Variants in FEZ1 observed in about 807,000 individuals in gnomAD.
FEZ1 encodes fasciculation and elongation protein zeta-1.
In FEZ1, 20 loss-of-function variants were observed where a neutral mutation model predicts 49.3. That is an observed-to-expected ratio of 0.41 (90% CI 0.29 to 0.59). The LOEUF is 0.59. Among genes scored for constraint, FEZ1 ranks in the 20% least tolerant of loss-of-function variants. FEZ1 has a pLI of 0.36. For missense variants in FEZ1, 413 were observed against 476.0 expected (o/e 0.87, Z 1.23); for synonymous variants, 170 against 180.9 (o/e 0.94, Z 0.48).
intron 4 of FEZ1, 138 bp from the exon 5 acceptor site, chr11:125,460,804 G>A: frequency 1.5e-6 from 1 of 649,630 alleles, no homozygotes; most frequent in Non-Finnish European, 2.5e-6. Context: ...CATAAATACT[G>A]AATAATAAAA....
intron 1 of FEZ1, among the ~76,000 whole-genome samples, chr11:125,493,471 AAG>A (rs540335216): frequency 0.031 from 2,790 of 90,350 alleles, 122 homozygotes; most frequent in Non-Finnish European, 0.034. Flanking sequence ...AGAAGGAAAG[AAG>A]GAAAGAAGGA....
chr11:125,455,133 G>A lies in FEZ1; in HGVS notation c.939+702C>T, dbSNP rs546435877. 1.4e-4 allele frequency among the ~76,000 whole-genome samples: 22 copies of A among 151,918 alleles called. No individual in the cohort carries two copies. The East Asian group carries it at 1.9e-3, about 13-fold the overall frequency. ...GGGCCAGGCACGGTGGCTCATGCCC[G>A]TAATCCCAACACTTTGGGAGGCCAA... On this transcript the variant is annotated intron_variant, in intron 6 of 9. Transcript: ENST00000278919.
intron 3 of FEZ1, 124 bp from the exon 4 acceptor site, chr11:125,463,694 G>T: frequency 1.5e-6 from 1 of 670,994 alleles, no homozygotes; most frequent in Non-Finnish European, 2.7e-6. Context: ...CTAAACAGTG[G>T]AGCTGAAGAG....
At chr11:125,484,645 G>A (rs377096624) in intron 2 of FEZ1, among the ~76,000 whole-genome samples, 2 of 148,350 alleles carry the variant, frequency 1.3e-5, no homozygotes. Flanking sequence ...TCCATCCTGG[G>A]CAACAAGAGT....
At chr11:125,490,540 C>T (rs796880693) in intron 1 of FEZ1, among the ~76,000 whole-genome samples, 43 of 152,170 alleles carry the variant, frequency 2.8e-4, no homozygotes, top group African/African-American at 1.0e-3. Context: ...GATATTACTA[C>T]CCTTATCAAT....
In FEZ1 at chr11:125,445,321, G is replaced by T. The variant is rs1956889241; in HGVS notation, c.*774C>A. Among the ~76,000 whole-genome samples, 1 of 152,196 alleles carries T rather than the reference G, an allele frequency of 6.6e-6. No homozygotes were observed. The highest frequency in any genetic ancestry group is 2.4e-5 in the African/African-American group (1 of 41,452). The stretch of plus-strand genomic sequence containing the variant: ...GCTCAGCAGAGCTGACTTCCCGCAG[G>T]CCCTGAGCCTCCAGGTCCCCGTGGA... On this transcript the variant is annotated 3_prime_UTR_variant, in exon 10 of 10. Coordinates refer to ENST00000278919, the MANE Select transcript of FEZ1 (RefSeq NM_005103.5). This position sits in a 1 kb window ranked among gnomAD's most constrained non-coding sequence, Gnocchi z 4.4.
chr11:125,456,029 C>T lies in FEZ1; in HGVS notation c.745G>A (p.Glu249Lys). 6.2e-7 allele frequency: 1 copy of T among 1,612,992 alleles called. No homozygotes were observed. The highest frequency in any genetic ancestry group is 1.1e-5 in the South Asian group (1 of 91,026). ...CGGCGGGCCAGCTGCTGCACCAGCT[C>T]CTCCGAGAAGTCACGGATGGCACCC... is the stretch of plus-strand genomic sequence containing the variant. ...VEGAIRDFSE[E>K]LVQQLARRDE... Residue 249 changes from glutamate (E) to lysine (K), a missense_variant, in exon 6 of 10, where the codon GAG becomes AAG. Physicochemically the swap from Glu to Lys is moderately conservative, Grantham distance 56. Coordinates refer to ENST00000278919, the MANE Select transcript of FEZ1 (RefSeq NM_005103.5).
chr11:125,484,145 G>T lies in FEZ1; in HGVS notation c.312-2512C>A, dbSNP rs183043826. ...TGTATACCCTTTCCATACTTACCCA[G>T]TGCCCATTTAACAATAACAATAGCA... On this transcript the variant is annotated intron_variant, in intron 2 of 9. Transcript: ENST00000278919. 2.0e-4 allele frequency among the ~76,000 whole-genome samples: 30 copies of T among 152,208 alleles called. 1 individual carries two copies. Among genetic ancestry groups the T allele is most frequent in the Admixed American group, 1.8e-3 (28 of 15,282 alleles).
chr11:125,449,417 T>TTAAAAAA (rs1555177849), intron 8 of FEZ1, among the ~76,000 whole-genome samples: 1 of 27,006 alleles, frequency 3.7e-5, no homozygotes, highest in Non-Finnish European at 6.1e-5. Context: ...TTTGTCTCTA[T>TTAAAAAA]AAAAAAAAAA....
rs946348672 is a variant in FEZ1, at chr11:125,444,323, C to T, written c.*1772G>A. Reference sequence around the variant, plus strand: ...AAGCCGAGCTAGGCGCGGTGACTCACGCCTATAATCCCAGCACTTTGGGAA... The same window carrying T: ...AAGCCGAGCTAGGCGCGGTGACTCATGCCTATAATCCCAGCACTTTGGGAA... On this transcript the variant is annotated 3_prime_UTR_variant, in exon 10 of 10. Coordinates refer to ENST00000278919, the MANE Select transcript of FEZ1 (RefSeq NM_005103.5). Among the ~76,000 whole-genome samples the T allele has an allele frequency of 1.3e-5, 2 of 152,176 alleles. No homozygotes were observed. The highest frequency in any genetic ancestry group is 2.9e-5 in the Non-Finnish European group (2 of 68,034).
chr11:125,463,732 CAT>C (rs3217293), intron 3 of FEZ1, among the ~76,000 whole-genome samples, 162 bp from the exon 4 acceptor site: 52,109 of 152,004 alleles, frequency 0.34, 9,132 homozygotes, highest in South Asian at 0.49. Flanking sequence ...CAATTCCAAA[CAT>C]ATCTTTGCCC....
At chr11:125,476,370 G>A (rs1018091338) in intron 3 of FEZ1, among the ~76,000 whole-genome samples, 1 of 152,146 alleles carries the variant, frequency 6.6e-6, no homozygotes, top group Non-Finnish European at 1.5e-5. Flanking sequence ...TGGTTGAGTT[G>A]ACATTTGCAA....
At position 125,448,484 on chromosome 11, in the gene FEZ1, G is replaced by A. The variant is rs758291283; in HGVS notation, c.1162+18C>T. 1 of 1,570,212 alleles carries A rather than the reference G, an allele frequency of 6.4e-7. No homozygotes were observed. The highest frequency in any genetic ancestry group is 1.1e-5 in the South Asian group (1 of 90,074). ...CAGAGAACCCCTTCTGCTCCAGGAG[G>A]CCTGGGGCTGCTCTTACCTTTTAAA... On this transcript the variant is annotated intron_variant, in intron 9 of 9. Transcript: ENST00000278919.
At chr11:125,448,409 TG>T in intron 9 of FEZ1, 92 bp downstream of exon 9, 1 of 791,574 alleles carries the variant, frequency 1.3e-6, no homozygotes, top group Non-Finnish European at 2.2e-6. Flanking sequence ...CTGCCTGGTC[TG>T]GTCTGGCATG....
intron 3 of FEZ1, chr11:125,469,059 T>C (rs1957160244): frequency 6.6e-6 from 1 of 152,270 alleles, no homozygotes; most frequent in African/African-American, 2.4e-5. Flanking sequence ...CAGACAGACC[T>C]CTGGCCTCCT....
intron 7 of FEZ1, 87 bp from the exon 8 acceptor site, chr11:125,452,496 T>C: frequency 2.5e-6 from 2 of 814,052 alleles, no homozygotes; most frequent in Non-Finnish European, 4.2e-6. Context: ...AGACACACAC[T>C]GCAAATCTGA....
chr11:125,491,317 A>T lies in FEZ1; in HGVS notation c.-45-1495T>A, dbSNP rs73628451. Among the ~76,000 whole-genome samples, 662 of 152,254 alleles carry T rather than the reference A, an allele frequency of 4.3e-3. 6 individuals carry two copies. The highest frequency in any genetic ancestry group is 0.015 in the African/African-American group (612 of 41,538). On this transcript the variant is annotated intron_variant, in intron 1 of 9. Coordinates refer to ENST00000278919, the MANE Select transcript of FEZ1 (RefSeq NM_005103.5). The stretch of plus-strand genomic sequence containing the variant: ...AACTGTGATTTATCCATCTGTGTGT[A>T]CATCTGGGCCCCATTCAATTTTAAC...
chr11:125,486,739 C>T (rs903187382), intron 2 of FEZ1, among the ~76,000 whole-genome samples: 7 of 152,102 alleles, frequency 4.6e-5, no homozygotes, highest in African/African-American at 1.7e-4. Context: ...AATACTAAAC[C>T]GGAACAAGTT....
chr11:125,475,959 T>C (rs897704923), intron 3 of FEZ1, among the ~76,000 whole-genome samples: 2 of 152,150 alleles, frequency 1.3e-5, no homozygotes, highest in African/African-American at 4.8e-5. Flanking sequence ...AGAATACTAC[T>C]CAACAATAAA....
Sources: allele counts gnomAD v4.1 joint callset (sites outside exome capture counted in the v4.1 genomes callset), GRCh38; gene constraint gnomAD v4.1.1; non-coding constraint Gnocchi (gnomAD v3.1); transcripts MANE v1.5; gene names NCBI Gene and HGNC (gene_info 2026-07-23, HGNC 2026-07-21).